Variants in TTC21B observed in about 807,000 individuals in gnomAD.
The protein encoded by TTC21B is tetratricopeptide repeat protein 21B.
A neutral mutation model predicts 175.1 loss-of-function variants in TTC21B; 127 were observed. The ratio of observed to expected loss-of-function variants is 0.73; its 90% confidence interval spans 0.63 to 0.84. The LOEUF (loss-of-function observed/expected upper bound fraction) is 0.84. TTC21B is among the 40% of genes least tolerant of loss of function. TTC21B has a pLI of 0.00. For missense variants in TTC21B, 1,561 were observed against 1,558.3 expected, an observed-to-expected ratio of 1.00 and a Z score of -0.03; for synonymous variants, 524 against 524.5, an observed-to-expected ratio of 1.00 and a Z score of 0.01.
intron 12 of TTC21B, among the ~76,000 whole-genome samples, chr2:165,920,813 A>AATATTTTGAAATATTTT (rs1344348648): frequency 5.3e-5 from 8 of 152,232 alleles, no homozygotes; most frequent in East Asian, 1.9e-4. Context: ...AAATATTTAA[A>AATATTTTGAAATATTTT]AATGAGAAGT....
intron 18 of TTC21B, 123 bp downstream of exon 18, chr2:165,911,204 C>A (rs74734002): frequency 8.4e-7 from 1 of 1,184,330 alleles, no homozygotes; most frequent in African/African-American, 1.6e-5. Context: ...AGAAAAAATA[C>A]GCATGTATTT....
chr2:165,890,856 C>G lies in TTC21B; in HGVS notation c.3083G>C (p.Cys1028Ser), dbSNP rs758718984. 11 of 1,613,232 alleles carry G rather than the reference C, an allele frequency of 6.8e-6. No individual in the cohort carries two copies. The highest frequency in any genetic ancestry group is 2.5e-6 in the Non-Finnish European group (3 of 1,179,552). ...RAKLEPGFQY[C>S]KGLYLWYTGE... ...GATTTACCAAAGATACAGTCCTTTACAATACTGAAATCCTGGTTCCAATTT... is the reference window on the plus strand; with the variant it reads ...GATTTACCAAAGATACAGTCCTTTAGAATACTGAAATCCTGGTTCCAATTT... Residue 1028 changes from cysteine to serine, a missense_variant, in exon 23 of 29, where the codon TGT becomes TCT. Physicochemically the swap from Cys to Ser is moderately radical, Grantham distance 112. Transcript: ENST00000243344.
rs751540881 is a variant in TTC21B at position 165,919,385 on chromosome 2, T to A, written c.1565A>T (p.Asn522Ile). The change falls in exon 13 of 29, where the codon AAT becomes ATT. Residue 522 changes from asparagine to isoleucine, a missense_variant. Coordinates refer to ENST00000243344, the MANE Select transcript of TTC21B (RefSeq NM_024753.5). ...CAGATGAGCATCAGCATAAGAGGGA[T>A]TGTGTTCTAAGCAGTGCTGAAGGTT... ...FNNLQHCLEH[N>I]PSYADAHLLL... The A allele has an allele frequency of 1.9e-6, 3 of 1,613,930 alleles. No individual in the cohort carries two copies. Among genetic ancestry groups the A allele is most frequent in the Non-Finnish European group, 1.7e-6 (2 of 1,180,006 alleles).
At chr2:165,914,698 T>TGTACGTGCGCGCGCGCGCGTGTGTG (rs71031214) in intron 15 of TTC21B, among the ~76,000 whole-genome samples, 1 of 132,374 alleles carries the variant, frequency 7.6e-6, no homozygotes, top group Non-Finnish European at 1.6e-5. Flanking sequence ...TGTGTGTGTG[T>TGTACGTGCGCGCGCGCGCGTGTGTG]TGTGTATCCC....
At chr2:165,882,374 TTTTG>T (rs760552208) in intron 26 of TTC21B, among the ~76,000 whole-genome samples, 22 of 152,194 alleles carry the variant, frequency 1.4e-4, no homozygotes, top group Admixed American at 2.0e-4. Context: ...CAATTAGGTT[TTTTG>T]TTTGTTTTGT....
In TTC21B at chr2:165,915,412, C is replaced by T; in HGVS notation, c.1927G>A (p.Ala643Thr). ...GATGTTCCAGAAAATTCATGGATGGCATCTTGTAAAACTTTGGTTGCCTCA... is the reference window on the plus strand; with the variant it reads ...GATGTTCCAGAAAATTCATGGATGGTATCTTGTAAAACTTTGGTTGCCTCA... ...QHEATKVLQD[A>T]IHEFSGTSEE... Residue 643 changes from alanine (A) to threonine (T), a missense_variant, in exon 15 of 29, where the codon GCC (alanine) becomes ACC (threonine). Coordinates refer to ENST00000243344, the MANE Select transcript of TTC21B (RefSeq NM_024753.5). The T allele has an allele frequency of 6.2e-7, 1 of 1,614,034 alleles. No homozygotes were observed.
chr2:165,928,313 C>A (rs950298744), intron 11 of TTC21B, among the ~76,000 whole-genome samples: 1 of 152,050 alleles, frequency 6.6e-6, no homozygotes, highest in Non-Finnish European at 1.5e-5. Context: ...AAAAGTACAA[C>A]AAGTAAGAGA....
At chr2:165,889,468 C>G (rs1685117232) in intron 24 of TTC21B, among the ~76,000 whole-genome samples, 1 of 152,184 alleles carries the variant, frequency 6.6e-6, no homozygotes. Flanking sequence ...GCAGATGTCT[C>G]CCAAATCTCT....
rs1553511369 is a variant in TTC21B, at chr2:165,914,680, T to TGTGTGTGCGCGCGTGTGTGCGCGCGC, written c.2138+520_2138+521insGCGCGCGCACACACGCGCGCACACAC. On this transcript the variant is annotated intron_variant, in intron 15 of 28. Coordinates refer to ENST00000243344, the MANE Select transcript of TTC21B (RefSeq NM_024753.5). Reference sequence around the variant, plus strand: ...ATCTGTGTGTGTGTGTGTGTGTGTGTGTGTGTGTGTGTGTGTGTTGTGTAT... The same window carrying TGTGTGTGCGCGCGTGTGTGCGCGCGC: ...ATCTGTGTGTGTGTGTGTGTGTGTGTGTGTGTGCGCGCGTGTGTGCGCGCGCGTGTGTGTGTGTGTGTGTTGTGTAT... Among the ~76,000 whole-genome samples the TGTGTGTGCGCGCGTGTGTGCGCGCGC allele has an allele frequency of 6.0e-4, 87 of 144,228 alleles. 2 individuals carry two copies. Among genetic ancestry groups the TGTGTGTGCGCGCGTGTGTGCGCGCGC allele is most frequent in the African/African-American group, 2.3e-3 (84 of 36,746 alleles). 94.6% of individuals were successfully genotyped at this position (144,228 alleles called of 152,430 possible).
At chr2:165,938,108 T>C (rs940227641) in intron 6 of TTC21B, among the ~76,000 whole-genome samples, 2 of 81,524 alleles carry the variant, frequency 2.5e-5, no homozygotes, top group South Asian at 3.9e-4. Flanking sequence ...ATGACTAAAA[T>C]GTCCAGAAGC....
chr2:165,949,610 C>A lies in TTC21B; in HGVS notation c.136G>T (p.Gly46Cys). 6.2e-7 allele frequency: 1 copy of A among 1,613,730 alleles called. No homozygotes were observed. The highest frequency in any genetic ancestry group is 1.1e-5 in the South Asian group (1 of 91,066). ...TAACACGTACCTTCCATTAATGTGC[C>A]ATAGGCATGATAAAACCTGAAGACT... ...DPVFRFYHAY[G>C]TLMEGKTQEA... Residue 46 changes from glycine to cysteine, a missense_variant, in exon 2 of 29, where the codon GGC (glycine) becomes TGC (cysteine). By Grantham distance (159) the Gly-to-Cys change is radical (BLOSUM62 -3). Coordinates refer to ENST00000243344, the MANE Select transcript of TTC21B (RefSeq NM_024753.5).
chr2:165,911,882 T>C (rs1308652709), intron 17 of TTC21B, among the ~76,000 whole-genome samples: 1 of 151,982 alleles, frequency 6.6e-6, no homozygotes, highest in Non-Finnish European at 1.5e-5. Context: ...CCAGGCTGGT[T>C]TCAAACTCCT....
intron 25 of TTC21B, among the ~76,000 whole-genome samples, chr2:165,887,979 A>C (rs1685065099): frequency 6.6e-6 from 1 of 152,176 alleles, no homozygotes; most frequent in African/African-American, 2.4e-5. Flanking sequence ...TCTACAACAC[A>C]GAAATTCTCC....
intron 19 of TTC21B, among the ~76,000 whole-genome samples, chr2:165,905,010 A>G (rs1685682339): frequency 6.6e-6 from 1 of 152,180 alleles, no homozygotes; most frequent in South Asian, 2.1e-4. Flanking sequence ...AAAATCGCTT[A>G]AATGAGAGGG....
intron 28 of TTC21B, among the ~76,000 whole-genome samples, 165 bp downstream of exon 28, chr2:165,876,000 A>T (rs906679811): frequency 9.2e-5 from 14 of 152,158 alleles, no homozygotes; most frequent in Admixed American, 4.6e-4. Context: ...TTAGGTGAAC[A>T]TCATTTTCTA....
Position 165,890,896 on chromosome 2 carries a change from G to A in TTC21B, c.3043C>T (p.Arg1015Cys), listed in dbSNP as rs376106590. The part of the protein sequence containing the change: ...VPRFFSMAEK[R>C]NSRAKLEPGF... ...GGTTCCAATTTTGCTCTGGAGTTAC[G>A]TTTCTCAGCCATTGAGAAAAATCTT... is the stretch of plus-strand genomic sequence containing the variant. The change falls in exon 23 of 29, where the codon CGT (arginine) becomes TGT (cysteine). Residue 1015 changes from arginine to cysteine, a missense_variant. Transcript: ENST00000243344. 24 of 1,612,966 alleles carry A rather than the reference G, an allele frequency of 1.5e-5. No individual in the cohort carries two copies. Among genetic ancestry groups the A allele is most frequent in the African/African-American group, 8.0e-5 (6 of 74,806 alleles).
chr2:165,934,260 A>G (rs1397039505), intron 6 of TTC21B, among the ~76,000 whole-genome samples: 1 of 151,958 alleles, frequency 6.6e-6, no homozygotes. Flanking sequence ...TATTTTGTAA[A>G]TTGATTATGA....
chr2:165,930,730 G>GGT (rs762151629), intron 8 of TTC21B, among the ~76,000 whole-genome samples: 1 of 78,268 alleles, frequency 1.3e-5, no homozygotes, highest in Admixed American at 1.6e-4. Context: ...CGTGGGTATG[G>GGT]GGGTGTGTGT....
intron 26 of TTC21B, among the ~76,000 whole-genome samples, chr2:165,882,010 AG>A (rs1457503801): frequency 3.3e-5 from 5 of 152,142 alleles, no homozygotes; most frequent in African/African-American, 1.2e-4. Flanking sequence ...CTTTTGATTC[AG>A]GCTCCAATAA....
Sources: gnomAD v4.1 joint callset for allele counts (sites outside exome capture counted in the v4.1 genomes callset) on GRCh38, gnomAD v4.1.1 for gene constraint, MANE v1.5 for transcripts, NCBI Gene and HGNC (gene_info 2026-07-23, HGNC 2026-07-21) for gene names.